The following RORB variants were observed in gnomAD, a reference collection of about 807,000 sequenced individuals.
RORB encodes nuclear receptor ROR-beta.
RORB carries 6 observed loss-of-function variants against 59.1 expected under a neutral mutation model. That is an observed-to-expected ratio of 0.10 (90% CI 0.06 to 0.20). The LOEUF is 0.20. Among genes scored for constraint, RORB ranks in the 10% least tolerant of loss-of-function variants. The probability of loss-of-function intolerance (pLI) is 1.00; values close to 1 mark genes in which losing one functional copy is unlikely to be tolerated. For missense variants in RORB, 320 were observed against 560.5 expected, an observed-to-expected ratio of 0.57 and a Z score of 4.33; for synonymous variants, 215 against 204.5, an observed-to-expected ratio of 1.05 and a Z score of -0.44.
rs1587426214 is a variant in RORB, at chr9:74,689,385, TG to T, written c.*3768del. ...TCCCAAAGTGCAAGGATTACAGGCCTGAGCCACTGCGCCCTGCCTTCAGTGG... is the reference window on the plus strand; with the variant it reads ...TCCCAAAGTGCAAGGATTACAGGCCTAGCCACTGCGCCCTGCCTTCAGTGG... On this transcript the variant is annotated 3_prime_UTR_variant, in exon 10 of 10. Transcript: ENST00000376896. 1 of 152,350 alleles carries T rather than the reference TG, an allele frequency of 6.6e-6. No homozygotes were observed. Among genetic ancestry groups the T allele is most frequent in the African/African-American group, 2.4e-5 (1 of 41,466 alleles). The allele number at this position is 152,350 out of a possible 1,614,324, so 9.4% of individuals were successfully genotyped here.
chr9:74,630,927 C>T (rs1823608043), intron 2 of RORB, among the ~76,000 whole-genome samples: 1 of 152,118 alleles, frequency 6.6e-6, no homozygotes, highest in Admixed American at 6.5e-5. Context: ...CCCCCACCCA[C>T]CTCTTCATTT....
At chr9:74,615,841 T>C (rs1210394122) in intron 1 of RORB, among the ~76,000 whole-genome samples, 1 of 152,166 alleles carries the variant, frequency 6.6e-6, no homozygotes, top group Non-Finnish European at 1.5e-5. Context: ...TATTTATATA[T>C]AAATACTGTC....
intron 1 of RORB, among the ~76,000 whole-genome samples, chr9:74,602,384 AT>A (rs1203741830): frequency 6.6e-6 from 1 of 152,250 alleles, no homozygotes; most frequent in Admixed American, 6.5e-5. Flanking sequence ...TTAAAGATGC[AT>A]GCATGATACC....
In RORB at chr9:74,500,180, T is replaced by G. The variant is rs370810383; in HGVS notation, c.7+2197T>G. Among the ~76,000 whole-genome samples the G allele has an allele frequency of 2.8e-4, 43 of 152,314 alleles. 1 individual carries two copies. Among genetic ancestry groups the G allele is most frequent in the African/African-American group, 1.0e-3 (42 of 41,574 alleles). On this transcript the variant is annotated intron_variant, in intron 1 of 9. Coordinates refer to ENST00000376896, the MANE Select transcript of RORB (RefSeq NM_006914.4). Reference sequence around the variant, plus strand: ...TACAACTTCTAACTTGAGGCAGCTCTCAGGCGGCCTTAGGGGAATGCGCTG... The same window carrying G: ...TACAACTTCTAACTTGAGGCAGCTCGCAGGCGGCCTTAGGGGAATGCGCTG...
At chr9:74,577,636 A>T (rs1360399256) in intron 1 of RORB, among the ~76,000 whole-genome samples, 2 of 152,106 alleles carry the variant, frequency 1.3e-5, no homozygotes, top group Non-Finnish European at 2.9e-5. Context: ...CCCATTATGG[A>T]TGCAAAGTGA....
At chr9:74,634,917 G>C (rs1008754983) in intron 3 of RORB, 145 bp downstream of exon 3, 1 of 714,814 alleles carries the variant, frequency 1.4e-6, no homozygotes, top group Non-Finnish European at 2.2e-6. Context: ...TGCATTACAA[G>C]GAAAAGTAAG....
At chr9:74,532,495 C>T (rs1826256868) in intron 1 of RORB, among the ~76,000 whole-genome samples, 1 of 151,860 alleles carries the variant, frequency 6.6e-6, no homozygotes, top group Non-Finnish European at 1.5e-5. Flanking sequence ...ATACATCATA[C>T]TCTTTAGGAG....
rs1296219520 is a variant in RORB at position 74,690,751 on chromosome 9, C to T, written c.*5133C>T. 6.6e-6 allele frequency: 1 copy of T among 152,146 alleles called. No homozygotes were observed. Among genetic ancestry groups the T allele is most frequent in the African/African-American group, 2.4e-5 (1 of 41,434 alleles). 9.4% of individuals were successfully genotyped at this position (152,146 alleles called of 1,614,324 possible). A position where few individuals can be genotyped will look rare whatever the true frequency, so the allele number is the denominator to read the frequency against. On this transcript the variant is annotated 3_prime_UTR_variant, in exon 10 of 10. Transcript: ENST00000376896. ...TGATTGTCACAACTAGAGGATATAACAGGAGGTCAGTTTAAAAAATAGCAA... is the reference window on the plus strand; with the variant it reads ...TGATTGTCACAACTAGAGGATATAATAGGAGGTCAGTTTAAAAAATAGCAA...
intron 1 of RORB, among the ~76,000 whole-genome samples, chr9:74,550,148 G>A (rs1480062222): frequency 6.6e-6 from 1 of 151,980 alleles, no homozygotes. Flanking sequence ...ATTTTATGTT[G>A]TACCACTGTT....
At chr9:74,506,863 C>T (rs1825877249) in intron 1 of RORB, among the ~76,000 whole-genome samples, 1 of 152,056 alleles carries the variant, frequency 6.6e-6, no homozygotes, top group Non-Finnish European at 1.5e-5. Context: ...GAATTGTGCC[C>T]TTCGGTTGTA....
intron 1 of RORB, among the ~76,000 whole-genome samples, chr9:74,586,600 CGTGTGTGTGT>C (rs1313500289): frequency 9.9e-5 from 14 of 141,284 alleles, no homozygotes; most frequent in African/African-American, 2.1e-4. Flanking sequence ...ATGTAATGTC[CGTGTGTGTGT>C]GTGTGTGTGT....
At chr9:74,568,125 A>G (rs1443063777) in intron 1 of RORB, among the ~76,000 whole-genome samples, 2 of 152,186 alleles carry the variant, frequency 1.3e-5, no homozygotes, top group Non-Finnish European at 2.9e-5. Context: ...AACACCTTTC[A>G]CATGTTAAGT....
intron 1 of RORB, among the ~76,000 whole-genome samples, chr9:74,616,990 T>TAA (rs143525638): frequency 1.2e-4 from 17 of 147,646 alleles, no homozygotes; most frequent in Admixed American, 3.4e-4. Flanking sequence ...GCTGTAGCTT[T>TAA]AAAAAAAAAA....
intron 1 of RORB, among the ~76,000 whole-genome samples, chr9:74,610,692 C>A (rs1823221061): frequency 6.6e-6 from 1 of 152,174 alleles, no homozygotes; most frequent in Admixed American, 6.5e-5. Context: ...ATCCAGACTA[C>A]ACAGTTAGTG....
At chr9:74,566,733 G>T (rs894560636) in intron 1 of RORB, among the ~76,000 whole-genome samples, 4 of 152,188 alleles carry the variant, frequency 2.6e-5, no homozygotes, top group Non-Finnish European at 5.9e-5. Context: ...GGAGGTGGAG[G>T]TTGCAGTGAG....
At chr9:74,503,426 C>A (rs1486628959) in intron 1 of RORB, among the ~76,000 whole-genome samples, 3 of 152,026 alleles carry the variant, frequency 2.0e-5, no homozygotes, top group African/African-American at 7.2e-5. Flanking sequence ...GAGAGAAAAT[C>A]ATTCTTATCT....
intron 1 of RORB, among the ~76,000 whole-genome samples, chr9:74,606,538 C>T (rs1823152274): frequency 6.6e-6 from 1 of 152,196 alleles, no homozygotes; most frequent in Admixed American, 6.5e-5. Flanking sequence ...ACTTCAGGGA[C>T]AAATTTCCTT....
In RORB at chr9:74,607,589, T is replaced by C. The variant is rs115260899; in HGVS notation, c.8-22693T>C. The stretch of plus-strand genomic sequence containing the variant: ...CATATAGACACATGTTTATACTATA[T>C]ATATATTTATTTATATATATACACA... On this transcript the variant is annotated intron_variant, in intron 1 of 9. Transcript: ENST00000376896. 6.1e-3 allele frequency among the ~76,000 whole-genome samples: 864 copies of C among 141,186 alleles called. 6 individuals carry two copies. The highest frequency in any genetic ancestry group is 0.021 in the African/African-American group (834 of 39,254). The allele number at this position is 141,186 out of a possible 152,430, so 92.6% of individuals were successfully genotyped here.
chr9:74,588,518 T>C (rs1187077548), intron 1 of RORB, among the ~76,000 whole-genome samples: 3 of 152,200 alleles, frequency 2.0e-5, no homozygotes, highest in Non-Finnish European at 2.9e-5. Flanking sequence ...GAAATAAGTC[T>C]ACCTCTCATC....
Sources: allele counts gnomAD v4.1 joint callset (sites outside exome capture counted in the v4.1 genomes callset), GRCh38; gene constraint gnomAD v4.1.1; transcripts MANE v1.5; gene names NCBI Gene and HGNC (gene_info 2026-07-23, HGNC 2026-07-21).